Variants in SPHKAP observed in about 807,000 individuals in gnomAD.
The protein encoded by SPHKAP is A-kinase anchor protein SPHKAP.
SPHKAP carries 67 observed loss-of-function variants against 137.5 expected under a neutral mutation model. The ratio of observed to expected loss-of-function variants is 0.49; its 90% CI spans 0.40 to 0.60. SPHKAP has a LOEUF of 0.60. Among genes scored for constraint, SPHKAP ranks in the 20% least tolerant of loss-of-function variants. The pLI, the probability that SPHKAP is intolerant of heterozygous loss-of-function variation, is 0.00. For missense variants in SPHKAP, 2,097 were observed against 2,069.3 expected (o/e 1.01, Z -0.26); for synonymous variants, 813 against 785.3 (o/e 1.04, Z -0.59).
chr2:228,079,969 A>G (rs971957164), intron 3 of SPHKAP, among the ~76,000 whole-genome samples: 1 of 152,230 alleles, frequency 6.6e-6, no homozygotes, highest in African/African-American at 2.4e-5. Flanking sequence ...CACACCATAG[A>G]CAAAACTAAA....
At chr2:228,031,914 T>C (rs1396641230) in intron 3 of SPHKAP, among the ~76,000 whole-genome samples, 1 of 151,854 alleles carries the variant, frequency 6.6e-6, no homozygotes, top group African/African-American at 2.4e-5. Context: ...CAAAAGTAGA[T>C]AAAGCCACAA....
At chr2:228,003,820 CAT>C (rs1260738082) in intron 7 of SPHKAP, among the ~76,000 whole-genome samples, 1 of 152,194 alleles carries the variant, frequency 6.6e-6, no homozygotes, top group Non-Finnish European at 1.5e-5. Context: ...TTGAGATAAT[CAT>C]GTGGTTTTTG....
rs112084471 is a variant in SPHKAP at position 227,994,952 on chromosome 2, G to A, written c.4634+557C>T. The stretch of plus-strand genomic sequence containing the variant: ...CAGAAACACAGGGAGTCTTTTAGAG[G>A]TTCCACCTCAGCAAGGAATAGATTT... On this transcript the variant is annotated intron_variant, in intron 8 of 11. Transcript: ENST00000392056. Among the ~76,000 whole-genome samples the A allele has an allele frequency of 1.8e-3, 270 of 152,298 alleles. 1 individual carries two copies. Among genetic ancestry groups the A allele is most frequent in the African/African-American group, 6.3e-3 (260 of 41,554 alleles).
chr2:228,085,371 T>A lies in SPHKAP; in HGVS notation c.246+23461A>T, dbSNP rs530297993. Among the ~76,000 whole-genome samples, 166 of 152,364 alleles carry A rather than the reference T, an allele frequency of 1.1e-3. 1 individual carries two copies. Among genetic ancestry groups the A allele is most frequent in the African/African-American group, 3.6e-3 (148 of 41,588 alleles). ...ATCCATGGATTTCTGGTTGAAAATA[T>A]GTAAACATTCTGATGACTTCAAGGA... On this transcript the variant is annotated intron_variant, in intron 3 of 11. Transcript: ENST00000392056.
In SPHKAP at chr2:228,027,399, T is replaced by G. The variant is rs564602164; in HGVS notation, c.306+85A>C. 16 of 1,399,002 alleles carry G rather than the reference T, an allele frequency of 1.1e-5. No individual in the cohort carries two copies. The East Asian group carries it at 3.7e-4, about 32-fold the overall frequency. The allele number at this position is 1,399,002 out of a possible 1,614,324, so 86.7% of individuals were successfully genotyped here. ...GAAACTATCTAACTAAAGAGTCTCC[T>G]ACAAAATGAGCATTATTTACAGATG... On this transcript the variant is annotated intron_variant, in intron 4 of 11. Transcript: ENST00000392056.
At chr2:228,131,738 A>G in intron 2 of SPHKAP, 8 of 971,368 alleles carry the variant, frequency 8.2e-6, no homozygotes, top group Non-Finnish European at 9.8e-6. Flanking sequence ...GTACTGGTGA[A>G]AAGTCTTGGG....
At chr2:228,077,697 A>T (rs1697228237) in intron 3 of SPHKAP, among the ~76,000 whole-genome samples, 1 of 152,152 alleles carries the variant, frequency 6.6e-6, no homozygotes, top group African/African-American at 2.4e-5. Flanking sequence ...GTCTCAGATG[A>T]GACTTTGGAC....
chr2:228,047,881 T>C (rs1696122589), intron 3 of SPHKAP, among the ~76,000 whole-genome samples: 1 of 152,176 alleles, frequency 6.6e-6, no homozygotes, highest in Non-Finnish European at 1.5e-5. Flanking sequence ...GGGTGTGCTC[T>C]AAGATATGGA....
rs889374393 is a variant in SPHKAP, at chr2:227,986,095, G to A, written c.4960-4235C>T. Among the ~76,000 whole-genome samples, 6 of 152,132 alleles carry A rather than the reference G, an allele frequency of 3.9e-5. 1 individual carries two copies. The highest frequency in any genetic ancestry group is 7.3e-5 in the Non-Finnish European group (5 of 68,028). On this transcript the variant is annotated intron_variant, in intron 11 of 11. Transcript: ENST00000392056. ...TAAAACCTCCCCACGTGACTCTAAC[G>A]TGCACTAAATCTGACTAAAGGACTC...
At chr2:228,079,039 C>G (rs560189173) in intron 3 of SPHKAP, among the ~76,000 whole-genome samples, 22 of 152,268 alleles carry the variant, frequency 1.4e-4, no homozygotes, top group African/African-American at 4.8e-4. Flanking sequence ...CAGTGATCCC[C>G]AACCTTTTTG....
At chr2:228,125,879 A>C (rs4312488) in intron 2 of SPHKAP, among the ~76,000 whole-genome samples, 51,943 of 151,860 alleles carry the variant, frequency 0.34, 9,164 homozygotes, top group East Asian at 0.5. Context: ...AAGTTCGAGA[A>C]CAGCCTGGCC....
At chr2:227,997,084 T>C (rs1693665121) in intron 7 of SPHKAP, among the ~76,000 whole-genome samples, 1 of 152,104 alleles carries the variant, frequency 6.6e-6, no homozygotes, top group Non-Finnish European at 1.5e-5. Flanking sequence ...TTCAAAACCT[T>C]CTTAACCCTG....
chr2:228,120,915 A>C (rs1168169083), intron 2 of SPHKAP, among the ~76,000 whole-genome samples: 2 of 152,242 alleles, frequency 1.3e-5, no homozygotes, highest in East Asian at 3.8e-4. Flanking sequence ...GAATCAAGTT[A>C]GACACATAAA....
At chr2:228,124,695 C>A (rs995295342) in intron 2 of SPHKAP, among the ~76,000 whole-genome samples, 2 of 151,270 alleles carry the variant, frequency 1.3e-5, no homozygotes, top group Non-Finnish European at 2.9e-5. Context: ...AACAAACCCA[C>A]ACGTTGTGCA....
In SPHKAP at chr2:228,181,576, G is replaced by A. The variant is rs753154884; in HGVS notation, c.23C>T (p.Ser8Leu). The change falls in exon 1 of 12, where the codon TCG (serine) becomes TTG (leucine). Residue 8 changes from serine to leucine, a missense_variant. Transcript: ENST00000392056. The surrounding 1 kb of genome is among the most constrained non-coding windows in gnomAD (Gnocchi z 4.3). Reference sequence around the variant, plus strand: ...AAGAAGCGGGTCTTACCTTGGTACCGAGAGCAGGGAGTTGCCATCCATTGT... The same window carrying A: ...AAGAAGCGGGTCTTACCTTGGTACCAAGAGCAGGGAGTTGCCATCCATTGT... The part of the protein sequence containing the change: MDGNSLL[S>L]VPSNLESSRM... 5.6e-6 allele frequency: 9 copies of A among 1,614,098 alleles called. No homozygotes were observed. The highest frequency in any genetic ancestry group is 2.7e-5 in the African/African-American group (2 of 74,940).
chr2:228,020,237 A>G, intron 6 of SPHKAP, 81 bp from the exon 7 acceptor site: 1 of 1,501,700 alleles, frequency 6.7e-7, no homozygotes, highest in Non-Finnish European at 8.8e-7. Context: ...TACTTTCTAA[A>G]AATAAAACAT....
intron 3 of SPHKAP, among the ~76,000 whole-genome samples, chr2:228,075,843 GA>G (rs1177843232): frequency 1.3e-5 from 2 of 152,160 alleles, no homozygotes; most frequent in African/African-American, 4.8e-5. Flanking sequence ...AAATTGTTAT[GA>G]AAAGGTTGTT....
intron 1 of SPHKAP, among the ~76,000 whole-genome samples, chr2:228,139,489 G>A (rs1157461648): frequency 6.6e-6 from 1 of 152,128 alleles, no homozygotes; most frequent in Non-Finnish European, 1.5e-5. Flanking sequence ...AACAATCTGT[G>A]CTTTGTAAAT....
intron 3 of SPHKAP, among the ~76,000 whole-genome samples, chr2:228,055,694 A>G (rs1696414391): frequency 6.6e-6 from 1 of 152,214 alleles, no homozygotes; most frequent in Non-Finnish European, 1.5e-5. Context: ...TACTGATGAC[A>G]GCTGATGGCA....
Sources: allele counts gnomAD v4.1 joint callset (sites outside exome capture counted in the v4.1 genomes callset), GRCh38; gene constraint gnomAD v4.1.1; non-coding constraint Gnocchi (gnomAD v3.1); transcripts MANE v1.5; gene names NCBI Gene and HGNC (gene_info 2026-07-23, HGNC 2026-07-21).